Variants in AP2B1 observed in about 807,000 individuals in gnomAD.
AP2B1 encodes the protein AP-2 complex subunit beta.
A neutral mutation model predicts 102.0 loss-of-function variants in AP2B1; 23 were observed. The ratio of observed to expected loss-of-function variants is 0.23; its 90% CI spans 0.16 to 0.32. The LOEUF is 0.32. Among genes scored for constraint, AP2B1 ranks in the 10% least tolerant of loss-of-function variants. The pLI, the probability that AP2B1 is intolerant of heterozygous loss-of-function variation, is 1.00. For missense variants in AP2B1, 541 were observed against 1,157.4 expected, an observed-to-expected ratio of 0.47 and a Z score of 7.73; for synonymous variants, 381 against 421.2, an observed-to-expected ratio of 0.90 and a Z score of 1.17.
At chr17:35,602,207 A>G (rs1415756088) in intron 3 of AP2B1, among the ~76,000 whole-genome samples, 4 of 152,184 alleles carry the variant, frequency 2.6e-5, no homozygotes, top group African/African-American at 9.7e-5. Context: ...TTTACTGTCT[A>G]GTTGATGAAA....
At chr17:35,648,384 T>C (rs1280983875) in intron 12 of AP2B1, among the ~76,000 whole-genome samples, 2 of 151,926 alleles carry the variant, frequency 1.3e-5, no homozygotes, top group Admixed American at 6.6e-5. Flanking sequence ...GGTGTGGTGG[T>C]GCGTACCAAT....
At chr17:35,661,204 T>A (rs1405034678) in intron 14 of AP2B1, among the ~76,000 whole-genome samples, 2 of 151,102 alleles carry the variant, frequency 1.3e-5, no homozygotes, top group Non-Finnish European at 3.0e-5. Context: ...ATTACCAGTT[T>A]AAAAAAAAAT....
chr17:35,599,023 G>A (rs1188838833), intron 3 of AP2B1, among the ~76,000 whole-genome samples: 1 of 152,200 alleles, frequency 6.6e-6, no homozygotes, highest in Non-Finnish European at 1.5e-5. Context: ...CAACCATAAT[G>A]GTAGTCATTG....
intron 5 of AP2B1, among the ~76,000 whole-genome samples, chr17:35,621,823 C>G (rs1307848604): frequency 6.6e-6 from 1 of 152,014 alleles, no homozygotes; most frequent in Non-Finnish European, 1.5e-5. Flanking sequence ...CTCTCGTTTT[C>G]TTTGTCTATA....
chr17:35,674,033 T>G, intron 16 of AP2B1, 143 bp from the exon 17 acceptor site: 4 of 742,114 alleles, frequency 5.4e-6, no homozygotes, highest in Non-Finnish European at 8.3e-6. Context: ...TTGATATTTA[T>G]AGTATAAAAA....
At chr17:35,633,471 A>G (rs931428377) in intron 9 of AP2B1, among the ~76,000 whole-genome samples, 7 of 152,036 alleles carry the variant, frequency 4.6e-5, no homozygotes, top group Non-Finnish European at 7.4e-5. Flanking sequence ...AATTGCTTAT[A>G]GTGGTTTAGA....
intron 5 of AP2B1, among the ~76,000 whole-genome samples, chr17:35,616,370 G>A (rs1284726816): frequency 2.6e-5 from 4 of 151,650 alleles, no homozygotes; most frequent in South Asian, 4.2e-4. Flanking sequence ...GGGTTTCACC[G>A]TGTTAGTCAG....
At chr17:35,680,943 C>T (rs1389130018) in intron 17 of AP2B1, among the ~76,000 whole-genome samples, 1 of 152,110 alleles carries the variant, frequency 6.6e-6, no homozygotes, top group African/African-American at 2.4e-5. Context: ...GATCCGCCCG[C>T]TGCAGCCTCC....
intron 1 of AP2B1, among the ~76,000 whole-genome samples, chr17:35,592,255 T>G (rs1268209862): frequency 6.6e-6 from 1 of 152,172 alleles, no homozygotes; most frequent in Non-Finnish European, 1.5e-5. Context: ...CCAGCATGTC[T>G]TGTCCTGAAG....
At chr17:35,639,814 T>G in intron 11 of AP2B1, 54 bp downstream of exon 11, 3 of 1,537,832 alleles carry the variant, frequency 2.0e-6, no homozygotes, top group African/African-American at 1.4e-5. Context: ...TTGGGGAGAT[T>G]TCAGAGAAAG....
intron 18 of AP2B1, among the ~76,000 whole-genome samples, chr17:35,685,308 C>G (rs1170087666): frequency 2.0e-5 from 3 of 152,194 alleles, no homozygotes; most frequent in Non-Finnish European, 4.4e-5. Context: ...TAATGGCTAG[C>G]TTAGGGATGT....
intron 4 of AP2B1, among the ~76,000 whole-genome samples, chr17:35,607,222 TTG>T (rs147551826): frequency 0.012 from 1,580 of 134,122 alleles, 25 homozygotes; most frequent in African/African-American, 0.037. Flanking sequence ...TTTTTAATAG[TTG>T]TTTTTTCTCT....
intron 5 of AP2B1, among the ~76,000 whole-genome samples, chr17:35,618,497 A>G (rs115436900): frequency 1.7e-3 from 261 of 152,330 alleles, no homozygotes; most frequent in African/African-American, 6.1e-3. Flanking sequence ...ATTGCTGGAA[A>G]TCAAAGTCCT....
intron 18 of AP2B1, 93 bp from the exon 19 acceptor site, chr17:35,709,131 A>G (rs1278467220): frequency 2.8e-6 from 3 of 1,076,184 alleles, no homozygotes; most frequent in Non-Finnish European, 4.3e-6. Flanking sequence ...GAGGAAGGAA[A>G]TAGGGAGGCC....
At chr17:35,679,768 A>T (rs919833849) in intron 17 of AP2B1, among the ~76,000 whole-genome samples, 45 of 152,132 alleles carry the variant, frequency 3.0e-4, no homozygotes, top group African/African-American at 1.0e-3. Flanking sequence ...AAAAGAGTAA[A>T]ATTTTTTTTG....
intron 18 of AP2B1, among the ~76,000 whole-genome samples, chr17:35,694,132 T>A (rs1417864681): frequency 6.6e-6 from 1 of 152,248 alleles, no homozygotes; most frequent in Non-Finnish European, 1.5e-5. Flanking sequence ...ATTGAATTTC[T>A]ACTAGGTCTT....
intron 18 of AP2B1, among the ~76,000 whole-genome samples, chr17:35,693,561 G>A (rs2076081906): frequency 6.6e-6 from 1 of 152,024 alleles, no homozygotes; most frequent in African/African-American, 2.4e-5. Context: ...TCTAATTTTA[G>A]AAGAAAATCC....
chr17:35,613,838 G>A (rs551587777), intron 5 of AP2B1, among the ~76,000 whole-genome samples: 53 of 152,272 alleles, frequency 3.5e-4, no homozygotes, highest in Non-Finnish European at 6.2e-4. Context: ...TAAACTTGTC[G>A]TCAGATGTGG....
chr17:35,713,416 TC>T (rs1309976411), intron 20 of AP2B1, among the ~76,000 whole-genome samples: 3 of 152,190 alleles, frequency 2.0e-5, no homozygotes, highest in Admixed American at 2.0e-4. Context: ...TTCCAGCTCT[TC>T]CTTTGAGTCC....
Sources: gnomAD v4.1 joint callset for allele counts (sites outside exome capture counted in the v4.1 genomes callset) on GRCh38, gnomAD v4.1.1 for gene constraint, MANE v1.5 for transcripts, NCBI Gene and HGNC (gene_info 2026-07-23, HGNC 2026-07-21) for gene names.